ZCCHC2: variants seen among roughly 807,000 people sequenced by gnomAD.
The protein encoded by ZCCHC2 is zinc finger CCHC domain-containing protein 2.
Under a neutral mutation model 103.6 loss-of-function variants are expected in ZCCHC2, and 39 were observed. That is an observed-to-expected ratio of 0.38 (90% CI 0.29 to 0.49). The LOEUF (loss-of-function observed/expected upper bound fraction) is 0.49, where lower values mean the gene tolerates loss of function less well. ZCCHC2 is among the 20% of genes least tolerant of loss of function. The pLI is 0.96. For missense variants in ZCCHC2, 1,483 were observed against 1,491.0 expected, an observed-to-expected ratio of 0.99 and a Z score of 0.09; for synonymous variants, 687 against 608.9, an observed-to-expected ratio of 1.13 and a Z score of -1.89.
chr18:62,544,521 A>G lies in ZCCHC2; in HGVS notation c.1129-281A>G, dbSNP rs186462832. On this transcript the variant is annotated intron_variant, in intron 3 of 13. Transcript: ENST00000269499. ...TATAAGTTCATAGAAAATAACATAT[A>G]TCCCCTTTCTGAAAAATTACTAAAC... is the stretch of plus-strand genomic sequence containing the variant. Among the ~76,000 whole-genome samples, 3 of 152,358 alleles carry G rather than the reference A, an allele frequency of 2.0e-5. No homozygotes were observed. In the East Asian group the frequency reaches 5.8e-4, roughly 29 times the overall value.
rs751708330 is a variant in ZCCHC2, at chr18:62,574,412, T to A, written c.2331T>A (p.Ala777=). The A allele has an allele frequency of 4.3e-6, 7 of 1,613,890 alleles. No individual in the cohort carries two copies. Among genetic ancestry groups the A allele is most frequent in the Non-Finnish European group, 4.2e-6 (5 of 1,179,898 alleles). ...STPVGILGPT[A]CTGESEKHLE... ...CTGTTGGAATACTAGGGCCAACAGC[T>A]TGCACTGGAGAATCGGAAAAGCACC... Residue 777 remains alanine, a synonymous_variant, in exon 13 of 14, where the codon GCT becomes GCA. Transcript: ENST00000269499.
Position 62,561,486 on chromosome 18 carries a change from G to T in ZCCHC2, c.1550+842G>T, listed in dbSNP as rs144742748. On this transcript the variant is annotated intron_variant, in intron 8 of 13. Coordinates refer to ENST00000269499, the MANE Select transcript of ZCCHC2 (RefSeq NM_017742.6). Reference sequence around the variant, plus strand: ...CGTGACTTTCCATGTTCCGCCTTAGGGCCTTTGCTGCTCACACAGGAGTCT... The same window carrying T: ...CGTGACTTTCCATGTTCCGCCTTAGTGCCTTTGCTGCTCACACAGGAGTCT... Among the ~76,000 whole-genome samples, 5 of 152,336 alleles carry T rather than the reference G, an allele frequency of 3.3e-5. No individual in the cohort carries two copies. In the East Asian group the frequency reaches 5.8e-4, roughly 18 times the overall value.
At chr18:62,550,304 AAGTG>A in intron 4 of ZCCHC2, 40 bp from the exon 5 acceptor site, 3 of 1,395,018 alleles carry the variant, frequency 2.2e-6, no homozygotes, top group Non-Finnish European at 3.0e-6. Flanking sequence ...CTTTACCAGT[AAGTG>A]AGAAACTTAA....
Position 62,574,916 on chromosome 18 carries a change from A to C in ZCCHC2, c.2835A>C (p.Pro945=). 2 of 1,613,854 alleles carry C rather than the reference A, an allele frequency of 1.2e-6. No homozygotes were observed. The part of the protein sequence containing the change: ...VLSTAATSPQ[P]ASAGISQAQA... ...GCACAGCAGCAACTTCTCCCCAGCC[A>C]GCGAGCGCAGGTATCAGCCAGGCCC... Residue 945 remains proline (P), a synonymous_variant, in exon 13 of 14, where the codon CCA becomes CCC. Transcript: ENST00000269499.
At chr18:62,584,265 C>T (rs775991023) in intron 14 of ZCCHC2, among the ~76,000 whole-genome samples, 9 of 152,062 alleles carry the variant, frequency 5.9e-5, no homozygotes, top group Non-Finnish European at 7.4e-5. Flanking sequence ...GGGGGCACAT[C>T]ACACGTGTGG....
At chr18:62,545,334 G>C (rs1019596317) in intron 4 of ZCCHC2, among the ~76,000 whole-genome samples, 10 of 152,134 alleles carry the variant, frequency 6.6e-5, no homozygotes, top group Non-Finnish European at 1.3e-4. Context: ...ACCAGATGAG[G>C]CTTGCTTCTG....
At position 62,523,376 on chromosome 18, in the gene ZCCHC2, G is replaced by GCCGCCCCC; in HGVS notation, c.-47_-46insGCCCCCCC. 1 of 1,012,354 alleles carries GCCGCCCCC rather than the reference G, an allele frequency of 9.9e-7. No homozygotes were observed. The highest frequency in any genetic ancestry group is 1.2e-6 in the Non-Finnish European group (1 of 848,992). The allele number at this position is 1,012,354 out of a possible 1,614,324, so 62.7% of individuals were successfully genotyped here. ...GCCTCGGCCCGTGCTCCACCTCGCG[G>GCCGCCCCC]CCCCTCCCGCCCGCCCCCGCTCGCA... On this transcript the variant is annotated 5_prime_UTR_variant, in exon 1 of 14. Coordinates refer to ENST00000269499, the MANE Select transcript of ZCCHC2 (RefSeq NM_017742.6).
At chr18:62,531,003 G>A (rs1914649863) in intron 1 of ZCCHC2, among the ~76,000 whole-genome samples, 1 of 151,734 alleles carries the variant, frequency 6.6e-6, no homozygotes, top group Non-Finnish European at 1.5e-5. Flanking sequence ...AAAAGCTGTT[G>A]AATTGGCTTA....
At chr18:62,556,773 G>A (rs992155565) in intron 6 of ZCCHC2, among the ~76,000 whole-genome samples, 4 of 151,482 alleles carry the variant, frequency 2.6e-5, no homozygotes, top group South Asian at 2.1e-4. Flanking sequence ...ATGTCCCTTC[G>A]TCACCATCCC....
At chr18:62,535,579 C>T (rs1914886743) in intron 1 of ZCCHC2, among the ~76,000 whole-genome samples, 1 of 152,210 alleles carries the variant, frequency 6.6e-6, no homozygotes, top group African/African-American at 2.4e-5. Context: ...GACCCCTCTC[C>T]TCTCTCCACG....
chr18:62,531,611 A>C (rs757746155), intron 1 of ZCCHC2, among the ~76,000 whole-genome samples: 70 of 152,124 alleles, frequency 4.6e-4, no homozygotes, highest in Non-Finnish European at 8.4e-4. Context: ...TGTATTATTC[A>C]TAGAGCGATT....
chr18:62,556,163 T>G (rs778434442), intron 5 of ZCCHC2, 40 bp from the exon 6 acceptor site: 6 of 1,500,228 alleles, frequency 4.0e-6, no homozygotes, highest in Non-Finnish European at 5.5e-6. Flanking sequence ...TGGATTAACA[T>G]TACCTGAAAT....
In ZCCHC2 at chr18:62,576,691, A is replaced by G. The variant is rs916115446; in HGVS notation, c.*112A>G. ...TTGTCTATACATTTCCTAGATTTCT[A>G]TGCAGTTGGGATTTTTCATTTCTCT... On this transcript the variant is annotated 3_prime_UTR_variant, in exon 14 of 14. Coordinates refer to ENST00000269499, the MANE Select transcript of ZCCHC2 (RefSeq NM_017742.6). 15 of 1,041,382 alleles carry G rather than the reference A, an allele frequency of 1.4e-5. No homozygotes were observed. The highest frequency in any genetic ancestry group is 1.8e-5 in the Non-Finnish European group (13 of 710,650). 64.5% of individuals were successfully genotyped at this position (1,041,382 alleles called of 1,614,324 possible).
exon 15 of ZCCHC2, chr18:62,586,535 C>G (rs1379118065): frequency 6.6e-6 from 1 of 151,776 alleles, no homozygotes; most frequent in Non-Finnish European, 1.5e-5. Flanking sequence ...TGACTTAGTG[C>G]TGAAGGATAT....
At chr18:62,560,262 G>C in intron 7 of ZCCHC2, 1 of 198,414 alleles carries the variant, frequency 5.0e-6, no homozygotes, top group Non-Finnish European at 1.0e-5. Context: ...TTGAATGTTT[G>C]AAACTCTTCA....
chr18:62,560,366 A>G (rs1916064599), intron 7 of ZCCHC2: 2 of 397,104 alleles, frequency 5.0e-6, no homozygotes, highest in Admixed American at 4.1e-5. Flanking sequence ...AACAAGATTG[A>G]TTTGCTGTTA....
In ZCCHC2 at chr18:62,576,832, T is replaced by G. The variant is rs930101412; in HGVS notation, c.*253T>G. The G allele has an allele frequency of 1.2e-5, 4 of 324,520 alleles. No individual in the cohort carries two copies. In the East Asian group the frequency reaches 2.1e-4, roughly 17 times the overall value. 20.1% of individuals were successfully genotyped at this position (324,520 alleles called of 1,614,324 possible). A position where few individuals can be genotyped will look rare whatever the true frequency, so the allele number is the denominator to read the frequency against. On this transcript the variant is annotated 3_prime_UTR_variant, in exon 14 of 14. Coordinates refer to ENST00000269499, the MANE Select transcript of ZCCHC2 (RefSeq NM_017742.6). ...ATTTAAACCTTCAGACAAACTTAAA[T>G]GTTGGTGCGTGCTTTTTTTTTTTTT...
At chr18:62,538,985 A>G (rs549612434) in intron 1 of ZCCHC2, among the ~76,000 whole-genome samples, 16 of 99,198 alleles carry the variant, frequency 1.6e-4, no homozygotes, top group Non-Finnish European at 3.6e-4. Flanking sequence ...TCATAAGGCT[A>G]TTTATTTACT....
intron 4 of ZCCHC2, among the ~76,000 whole-genome samples, chr18:62,546,420 T>C (rs1031974799): frequency 6.6e-6 from 1 of 152,208 alleles, no homozygotes; most frequent in African/African-American, 2.4e-5. Flanking sequence ...TTCTTTTCTC[T>C]CAATAGAAGA....
Sources: allele counts gnomAD v4.1 joint callset (sites outside exome capture counted in the v4.1 genomes callset), GRCh38; gene constraint gnomAD v4.1.1; transcripts MANE v1.5; gene names NCBI Gene and HGNC (gene_info 2026-07-23, HGNC 2026-07-21).